CYP7B1: variants seen among roughly 807,000 people sequenced by gnomAD.
CYP7B1 encodes cytochrome P450 7B1.
CYP7B1 carries 29 observed loss-of-function variants against 42.7 expected under a neutral mutation model. The ratio of observed to expected loss-of-function variants is 0.68; its 90% CI spans 0.51 to 0.93. The LOEUF (loss-of-function observed/expected upper bound fraction) is 0.93, where lower values mean the gene tolerates loss of function less well. Ranked by LOEUF, CYP7B1 falls within the 40% of genes least tolerant of loss-of-function variation. The pLI is 0.00. For missense variants in CYP7B1, 655 were observed against 600.5 expected (o/e 1.09, Z -0.95); for synonymous variants, 235 against 218.2 (o/e 1.08, Z -0.68).
intron 1 of CYP7B1, among the ~76,000 whole-genome samples, chr8:64,740,827 C>T (rs1456903879): frequency 6.6e-6 from 1 of 151,980 alleles, no homozygotes; most frequent in Non-Finnish European, 1.5e-5. Context: ...TTGAATAGGC[C>T]TATATCTATC....
At chr8:64,662,410 G>C (rs1806213225) in intron 1 of CYP7B1, among the ~76,000 whole-genome samples, 1 of 152,152 alleles carries the variant, frequency 6.6e-6, no homozygotes, top group Non-Finnish European at 1.5e-5. Flanking sequence ...TAGGCACAGT[G>C]CTAAATGCTT....
chr8:64,617,672 G>T (rs1466851221), intron 2 of CYP7B1, among the ~76,000 whole-genome samples: 2 of 151,904 alleles, frequency 1.3e-5, no homozygotes, highest in Non-Finnish European at 2.9e-5. Context: ...CATTATTCCT[G>T]TTTGTGTCTG....
intron 1 of CYP7B1, among the ~76,000 whole-genome samples, chr8:64,626,178 T>G (rs1454198273): frequency 7.9e-5 from 12 of 152,162 alleles, no homozygotes; most frequent in Admixed American, 2.6e-4. Flanking sequence ...GGACAAGCTG[T>G]GTACCAGGAT....
intron 1 of CYP7B1, among the ~76,000 whole-genome samples, chr8:64,676,016 G>A (rs920554176): frequency 1.5e-4 from 23 of 151,776 alleles, no homozygotes; most frequent in Admixed American, 3.9e-4. Context: ...TCCCCAGTCC[G>A]GACAGAGTGC....
Position 64,615,928 on chromosome 8 carries a change from T to G in CYP7B1, c.613A>C (p.Asn205His), listed in dbSNP as rs137880436. 4.3e-6 allele frequency: 7 copies of G among 1,613,520 alleles called. No homozygotes were observed. The African/African-American group carries it at 9.3e-5, about 22-fold the overall frequency. ...CTTAGCTCACTAATAAATTTGTTGT[T>G]GTCACAAACAATAACTTTTCCATAT... ...TIYGKVIVCD[N>H]NKFISELRDD... Residue 205 changes from asparagine (N) to histidine (H), a missense_variant, in exon 3 of 6, where the codon AAC (asparagine) becomes CAC (histidine). Transcript: ENST00000310193.
intron 1 of CYP7B1, among the ~76,000 whole-genome samples, chr8:64,752,986 C>T (rs890713928): frequency 6.6e-6 from 1 of 151,484 alleles, no homozygotes; most frequent in Non-Finnish European, 1.5e-5. Flanking sequence ...AGATAGCATA[C>T]ACACACACAC....
chr8:64,766,440 A>T (rs1265774348), intron 1 of CYP7B1, among the ~76,000 whole-genome samples: 1 of 152,088 alleles, frequency 6.6e-6, no homozygotes, highest in Non-Finnish European at 1.5e-5. Context: ...AAAACTTAGA[A>T]ACCCTAATGA....
chr8:64,610,511 A>C (rs1247607782), intron 4 of CYP7B1, among the ~76,000 whole-genome samples: 1 of 152,180 alleles, frequency 6.6e-6, no homozygotes, highest in Non-Finnish European at 1.5e-5. Context: ...CTTTTTCAAA[A>C]TAACACCCAT....
At chr8:64,684,352 C>T (rs1163441974) in intron 1 of CYP7B1, among the ~76,000 whole-genome samples, 1 of 152,188 alleles carries the variant, frequency 6.6e-6, no homozygotes, top group Non-Finnish European at 1.5e-5. Context: ...GCTGCTTCAT[C>T]TATAAACTGA....
At chr8:64,665,488 G>A (rs931684255) in intron 1 of CYP7B1, among the ~76,000 whole-genome samples, 12 of 150,754 alleles carry the variant, frequency 8.0e-5, no homozygotes, top group Non-Finnish European at 1.6e-4. Flanking sequence ...ACTAAGTTTG[G>A]GCAAAGTGTT....
chr8:64,689,121 T>C (rs1806700554), intron 1 of CYP7B1, among the ~76,000 whole-genome samples: 1 of 152,228 alleles, frequency 6.6e-6, no homozygotes. Context: ...TTGAGATCAA[T>C]TCCTAAAATC....
intron 1 of CYP7B1, among the ~76,000 whole-genome samples, chr8:64,725,310 C>G (rs1350644698): frequency 6.6e-6 from 1 of 152,164 alleles, no homozygotes; most frequent in African/African-American, 2.4e-5. Context: ...CAGCCATGAC[C>G]CTTATTGTGA....
intron 1 of CYP7B1, among the ~76,000 whole-genome samples, chr8:64,686,118 C>CT (rs1563390904): frequency 1.8e-5 from 2 of 109,620 alleles, no homozygotes; most frequent in East Asian, 2.8e-4. Flanking sequence ...GTCAGCCCTC[C>CT]GCCCGGCCAG....
chr8:64,601,651 T>C (rs1805206019), intron 5 of CYP7B1, among the ~76,000 whole-genome samples: 1 of 152,220 alleles, frequency 6.6e-6, no homozygotes. Context: ...ATAGGCTCAA[T>C]TAAGTTCCCA....
chr8:64,752,542 A>G (rs1162565868), intron 1 of CYP7B1, among the ~76,000 whole-genome samples: 1 of 152,104 alleles, frequency 6.6e-6, no homozygotes, highest in Admixed American at 6.6e-5. Context: ...GTAATGAGGA[A>G]AGACATATGG....
rs143016616 is a variant in CYP7B1 at position 64,595,471 on chromosome 8, A to G, written c.*1171T>C. ...GCATCATCATTTATATCAGATGCCAATCATGTGGTACTCTGATATTAGAAT... is the reference window on the plus strand; with the variant it reads ...GCATCATCATTTATATCAGATGCCAGTCATGTGGTACTCTGATATTAGAAT... On this transcript the variant is annotated 3_prime_UTR_variant, in exon 6 of 6. Coordinates refer to ENST00000310193, the MANE Select transcript of CYP7B1 (RefSeq NM_004820.5). Among the ~76,000 whole-genome samples, 24 of 152,292 alleles carry G rather than the reference A, an allele frequency of 1.6e-4. No homozygotes were observed. In the East Asian group the frequency reaches 4.6e-3, roughly 29 times the overall value.
chr8:64,752,485 A>C (rs753685505), intron 1 of CYP7B1, among the ~76,000 whole-genome samples: 17 of 152,004 alleles, frequency 1.1e-4, no homozygotes, highest in Non-Finnish European at 2.4e-4. Flanking sequence ...CTGCTCTCCG[A>C]TGTATCTCTG....
intron 4 of CYP7B1, 29 bp downstream of exon 4, chr8:64,614,997 T>A (rs776243938): frequency 2.7e-5 from 44 of 1,611,870 alleles, no homozygotes; most frequent in Middle Eastern, 1.6e-4. Context: ...GGTACCTTCT[T>A]TTCTTCATAA....
At chr8:64,722,246 C>T (rs1405728065) in intron 1 of CYP7B1, among the ~76,000 whole-genome samples, 3 of 152,168 alleles carry the variant, frequency 2.0e-5, no homozygotes, top group Non-Finnish European at 2.9e-5. Flanking sequence ...CTAGACTGTA[C>T]TTGCAAATGG....
Sources: allele counts gnomAD v4.1 joint callset (sites outside exome capture counted in the v4.1 genomes callset), GRCh38; gene constraint gnomAD v4.1.1; transcripts MANE v1.5; gene names NCBI Gene and HGNC (gene_info 2026-07-23, HGNC 2026-07-21).